Variants in COL23A1 observed in about 807,000 individuals in gnomAD.
COL23A1 encodes the protein collagen alpha-1(XXIII) chain.
COL23A1 carries 97 observed loss-of-function variants against 99.3 expected under a neutral mutation model. The ratio of observed to expected loss-of-function variants is 0.98; its 90% CI spans 0.83 to 1.16. The LOEUF (loss-of-function observed/expected upper bound fraction) is 1.16, where lower values mean the gene tolerates loss of function less well. Among genes scored for constraint, COL23A1 ranks in the 50% most tolerant of loss-of-function variants. The pLI, the probability that COL23A1 is intolerant of heterozygous loss-of-function variation, is 0.00. For synonymous variants in COL23A1, 320 were observed against 308.2 expected (o/e 1.04, Z -0.40); for missense variants, 762 against 757.4 (o/e 1.01, Z -0.07).
At chr5:178,311,509 C>CGT (rs958348391) in intron 2 of COL23A1, among the ~76,000 whole-genome samples, 201 of 27,232 alleles carry the variant, frequency 7.4e-3, no homozygotes, top group South Asian at 0.027. Flanking sequence ...TGTGTGTGCG[C>CGT]GTGTGTGTGT....
At chr5:178,268,637 T>C in intron 7 of COL23A1, 93 bp downstream of exon 7, 1 of 1,348,030 alleles carries the variant, frequency 7.4e-7, no homozygotes, top group Non-Finnish European at 1.0e-6. Flanking sequence ...GGCTGTGATG[T>C]GCTCAAGGGC....
At chr5:178,335,839 A>G (rs1429736777) in intron 2 of COL23A1, among the ~76,000 whole-genome samples, 2 of 152,224 alleles carry the variant, frequency 1.3e-5, no homozygotes, top group Non-Finnish European at 2.9e-5. Context: ...TTCACTGGCA[A>G]AGTTCTTGCA....
At chr5:178,327,006 C>G (rs575600757) in intron 2 of COL23A1, among the ~76,000 whole-genome samples, 4 of 152,384 alleles carry the variant, frequency 2.6e-5, no homozygotes, top group Non-Finnish European at 5.9e-5. Flanking sequence ...GCGTGAGCCA[C>G]TGCACCGGGC....
At chr5:178,249,989 A>ATG (rs1764945202) in intron 18 of COL23A1, 72 bp downstream of exon 18, 2 of 1,195,038 alleles carry the variant, frequency 1.7e-6, no homozygotes, top group Non-Finnish European at 2.3e-6. Flanking sequence ...GCACACGCAC[A>ATG]CACACACACA....
chr5:178,446,373 A>G (rs989648187), intron 2 of COL23A1, among the ~76,000 whole-genome samples: 1 of 152,034 alleles, frequency 6.6e-6, no homozygotes, highest in Non-Finnish European at 1.5e-5. Flanking sequence ...GAATAAAAGG[A>G]AAAGAAATTA....
chr5:178,289,923 A>G (rs557911343), intron 4 of COL23A1, among the ~76,000 whole-genome samples: 1 of 152,070 alleles, frequency 6.6e-6, no homozygotes, highest in Non-Finnish European at 1.5e-5. Context: ...CCCCAAACAC[A>G]TGAGTTTTTG....
At chr5:178,541,914 G>C (rs4976790) in intron 2 of COL23A1, among the ~76,000 whole-genome samples, 25 of 152,130 alleles carry the variant, frequency 1.6e-4, no homozygotes, top group Admixed American at 1.6e-3. Flanking sequence ...TATGTGCCCT[G>C]GGGACACTAG....
At chr5:178,293,398 C>A (rs1394162116) in intron 3 of COL23A1, among the ~76,000 whole-genome samples, 1 of 152,064 alleles carries the variant, frequency 6.6e-6, no homozygotes, top group Non-Finnish European at 1.5e-5. Flanking sequence ...GGAGTTCGGG[C>A]AAGTTCTCTT....
chr5:178,409,118 T>C (rs1389456302), intron 2 of COL23A1, among the ~76,000 whole-genome samples: 1 of 151,954 alleles, frequency 6.6e-6, no homozygotes, highest in Non-Finnish European at 1.5e-5. Context: ...CTCATAATAT[T>C]TGTATTTGGG....
At chr5:178,369,747 C>T (rs1027032942) in intron 2 of COL23A1, among the ~76,000 whole-genome samples, 3 of 151,942 alleles carry the variant, frequency 2.0e-5, no homozygotes, top group East Asian at 1.9e-4. Flanking sequence ...ATTGTAAGGC[C>T]CCCCCAGCCA....
intron 2 of COL23A1, among the ~76,000 whole-genome samples, chr5:178,329,837 T>C (rs1759907523): frequency 6.6e-6 from 1 of 151,506 alleles, no homozygotes; most frequent in Admixed American, 6.6e-5. Flanking sequence ...CTCAGGAGGC[T>C]GAGGCAGGAG....
intron 11 of COL23A1, among the ~76,000 whole-genome samples, chr5:178,261,427 T>TA (rs542054264): frequency 5.3e-4 from 76 of 144,302 alleles, no homozygotes; most frequent in East Asian, 3.4e-3. Context: ...AATAGAAAAT[T>TA]AAAAAAAAAA....
At chr5:178,289,994 G>A (rs368661630) in intron 4 of COL23A1, among the ~76,000 whole-genome samples, 1 of 152,128 alleles carries the variant, frequency 6.6e-6, no homozygotes, top group Non-Finnish European at 1.5e-5. Flanking sequence ...GCAGTGGTGC[G>A]ATCTCGACTC....
At chr5:178,276,381 G>A (rs1236975190) in intron 5 of COL23A1, among the ~76,000 whole-genome samples, 3 of 152,242 alleles carry the variant, frequency 2.0e-5, no homozygotes, top group Non-Finnish European at 2.9e-5. Context: ...GTTCCTGTGA[G>A]GGAACGGAGC....
intron 2 of COL23A1, among the ~76,000 whole-genome samples, chr5:178,368,734 G>A (rs902638815): frequency 3.3e-5 from 5 of 152,240 alleles, no homozygotes; most frequent in African/African-American, 1.2e-4. Flanking sequence ...CAGCCAGCAA[G>A]CTTCACAGCG....
At chr5:178,248,121 C>G in intron 20 of COL23A1, 71 bp downstream of exon 20, 1 of 1,196,496 alleles carries the variant, frequency 8.4e-7, no homozygotes, top group Non-Finnish European at 1.2e-6. Context: ...CTTTTTGTCC[C>G]AAGGCTCAGG....
In COL23A1 at chr5:178,365,362, A is replaced by G. The variant is rs938574842; in HGVS notation, c.362-58443T>C. ...CTGTCCCAGGCTCTGTCCTCCCTGCATATGGCCTCAGGCAGCTCAAGGCTT... is the reference window on the plus strand; with the variant it reads ...CTGTCCCAGGCTCTGTCCTCCCTGCGTATGGCCTCAGGCAGCTCAAGGCTT... On this transcript the variant is annotated intron_variant, in intron 2 of 28. Coordinates refer to ENST00000390654, the MANE Select transcript of COL23A1 (RefSeq NM_173465.4). This position sits in a 1 kb window ranked among gnomAD's most constrained non-coding sequence, Gnocchi z 5.2. 3.3e-5 allele frequency among the ~76,000 whole-genome samples: 5 copies of G among 152,070 alleles called. No individual in the cohort carries two copies. Among genetic ancestry groups the G allele is most frequent in the Admixed American group, 1.3e-4 (2 of 15,284 alleles).
intron 2 of COL23A1, among the ~76,000 whole-genome samples, chr5:178,549,025 T>C (rs990033085): frequency 1.3e-5 from 2 of 151,578 alleles, no homozygotes; most frequent in South Asian, 4.2e-4. Context: ...AGATGGAGTC[T>C]CGCTCTGTTG....
In COL23A1 at chr5:178,261,297, C is replaced by G. The variant is rs139606452; in HGVS notation, c.702+425G>C. On this transcript the variant is annotated intron_variant, in intron 11 of 28. Coordinates refer to ENST00000390654, the MANE Select transcript of COL23A1 (RefSeq NM_173465.4). Reference sequence around the variant, plus strand: ...GGCATGGTGGCACACACCTGTTGTCCCAGCTACTCAGGAGGCTGAGGCAGG... The same window carrying G: ...GGCATGGTGGCACACACCTGTTGTCGCAGCTACTCAGGAGGCTGAGGCAGG... Among the ~76,000 whole-genome samples, 1,018 of 152,050 alleles carry G rather than the reference C, an allele frequency of 6.7e-3. 8 individuals are homozygous for G. Among genetic ancestry groups the G allele is most frequent in the Non-Finnish European group, 9.2e-3 (626 of 67,980 alleles).
Sources: gnomAD v4.1 joint callset for allele counts (sites outside exome capture counted in the v4.1 genomes callset) on GRCh38, gnomAD v4.1.1 for gene constraint, Gnocchi (gnomAD v3.1) non-coding constraint, MANE v1.5 for transcripts, NCBI Gene and HGNC (gene_info 2026-07-23, HGNC 2026-07-21) for gene names.